LRRC4C: variants seen among roughly 807,000 people sequenced by gnomAD.
LRRC4C encodes the protein leucine-rich repeat-containing protein 4C.
Under a neutral mutation model 33.6 loss-of-function variants are expected in LRRC4C, and 5 were observed. The ratio of observed to expected loss-of-function variants is 0.15; its 90% CI spans 0.08 to 0.31. LRRC4C has a LOEUF of 0.31. LRRC4C is among the 10% of genes least tolerant of loss of function. LRRC4C has a pLI of 1.00. For synonymous variants in LRRC4C, 329 were observed against 302.0 expected (o/e 1.09, Z -0.93); for missense variants, 560 against 796.7 (o/e 0.70, Z 3.58).
intron 1 of LRRC4C, 58 bp from the exon 2 acceptor site, chr11:40,933,781 C>T (rs1407454298): frequency 6.6e-6 from 1 of 152,088 alleles, no homozygotes; most frequent in Non-Finnish European, 1.5e-5. Context: ...AGAAAATAGC[C>T]CAAGCAAAGT....
chr11:41,072,442 C>G (rs1363032084), intron 1 of LRRC4C, among the ~76,000 whole-genome samples: 1 of 151,894 alleles, frequency 6.6e-6, no homozygotes, highest in African/African-American at 2.4e-5. Flanking sequence ...GGGTGGACTT[C>G]CCCCTTGCTG....
intron 2 of LRRC4C, among the ~76,000 whole-genome samples, chr11:40,807,674 G>C (rs1005895020): frequency 6.6e-6 from 1 of 152,182 alleles, no homozygotes; most frequent in South Asian, 2.1e-4. Context: ...TTTTCTGCAC[G>C]GATTTTAGTA....
chr11:41,287,782 C>T, intron 1 of LRRC4C, among the ~76,000 whole-genome samples: 1 of 152,162 alleles, frequency 6.6e-6, no homozygotes, highest in Non-Finnish European at 1.5e-5. Context: ...GAGGCTTTCC[C>T]TGATTTAATA....
At chr11:41,258,815 G>T (rs1469006609) in intron 1 of LRRC4C, among the ~76,000 whole-genome samples, 1 of 151,942 alleles carries the variant, frequency 6.6e-6, no homozygotes, top group Admixed American at 6.6e-5. Flanking sequence ...TTGAAATTAG[G>T]ATGCCCTGAT....
At chr11:41,331,993 A>G (rs1423552923) in intron 1 of LRRC4C, among the ~76,000 whole-genome samples, 1 of 152,224 alleles carries the variant, frequency 6.6e-6, no homozygotes, top group Non-Finnish European at 1.5e-5. Flanking sequence ...TTCAAAGTAC[A>G]TATTACTTCT....
intron 3 of LRRC4C, among the ~76,000 whole-genome samples, chr11:40,370,648 GC>G (rs1948410757): frequency 6.6e-6 from 1 of 152,106 alleles, no homozygotes; most frequent in African/African-American, 2.4e-5. Flanking sequence ...GATTGAGAGG[GC>G]TTCTTTCAGC....
chr11:40,799,630 C>T (rs902361867), intron 2 of LRRC4C, among the ~76,000 whole-genome samples: 9 of 152,278 alleles, frequency 5.9e-5, no homozygotes, highest in African/African-American at 1.9e-4. Context: ...ACACCATGCC[C>T]GGCTAATTCT....
intron 2 of LRRC4C, among the ~76,000 whole-genome samples, chr11:40,689,506 T>C (rs1178536402): frequency 6.6e-6 from 1 of 152,096 alleles, no homozygotes; most frequent in Non-Finnish European, 1.5e-5. Flanking sequence ...TGAACAAGTA[T>C]TAATATTTAT....
chr11:40,627,037 T>C (rs919781298), intron 3 of LRRC4C, among the ~76,000 whole-genome samples: 1 of 151,518 alleles, frequency 6.6e-6, no homozygotes, highest in African/African-American at 2.4e-5. Context: ...CTCCATATAA[T>C]TCAGGATTTC....
intron 1 of LRRC4C, among the ~76,000 whole-genome samples, chr11:41,183,461 A>G (rs943569074): frequency 2.6e-5 from 4 of 152,164 alleles, no homozygotes; most frequent in African/African-American, 9.6e-5. Flanking sequence ...GAAGTCTGAA[A>G]TCCAGCGGGT....
intron 5 of LRRC4C, among the ~76,000 whole-genome samples, chr11:40,217,762 C>G (rs142995649): frequency 2.6e-5 from 4 of 152,192 alleles, no homozygotes; most frequent in Non-Finnish European, 5.9e-5. Context: ...AGTGCCTTTT[C>G]TCATCTTTTT....
At chr11:41,074,502 C>A (rs556027720) in intron 1 of LRRC4C, among the ~76,000 whole-genome samples, 1 of 152,146 alleles carries the variant, frequency 6.6e-6, no homozygotes, top group African/African-American at 2.4e-5. Flanking sequence ...ACTTTTGATT[C>A]TTTTCTTAAA....
At chr11:40,234,756 G>C (rs1200506802) in intron 5 of LRRC4C, among the ~76,000 whole-genome samples, 2 of 152,208 alleles carry the variant, frequency 1.3e-5, no homozygotes, top group Non-Finnish European at 1.5e-5. Flanking sequence ...GGCCAACAGA[G>C]AGAAACCCTG....
intron 2 of LRRC4C, among the ~76,000 whole-genome samples, chr11:40,856,313 T>A (rs886727377): frequency 1.3e-5 from 2 of 152,248 alleles, no homozygotes; most frequent in Non-Finnish European, 2.9e-5. Flanking sequence ...TTCTGTTAAC[T>A]AGATACAGAT....
intron 2 of LRRC4C, among the ~76,000 whole-genome samples, chr11:40,767,771 A>T (rs1280892453): frequency 6.6e-6 from 1 of 152,080 alleles, no homozygotes; most frequent in African/African-American, 2.4e-5. Flanking sequence ...TTATTGAAAC[A>T]ATAAAAATGA....
At chr11:41,376,646 G>A (rs768535438) in intron 1 of LRRC4C, among the ~76,000 whole-genome samples, 7 of 152,060 alleles carry the variant, frequency 4.6e-5, no homozygotes, top group South Asian at 2.1e-4. Context: ...TATTGTTAGC[G>A]ATGTAAAAAT....
At chr11:40,448,097 G>A (rs559300985) in intron 3 of LRRC4C, among the ~76,000 whole-genome samples, 54 of 151,920 alleles carry the variant, frequency 3.6e-4, no homozygotes, top group Non-Finnish European at 6.9e-4. Flanking sequence ...ATGAACCACC[G>A]CACCCAGCCA....
At chr11:40,881,913 A>G (rs1215879903) in intron 2 of LRRC4C, among the ~76,000 whole-genome samples, 2 of 152,086 alleles carry the variant, frequency 1.3e-5, no homozygotes, top group African/African-American at 4.8e-5. Context: ...TATTAAACAG[A>G]AATTAGGATT....
chr11:40,969,462 C>CA (rs35793654), intron 1 of LRRC4C, among the ~76,000 whole-genome samples: 84,733 of 143,152 alleles, frequency 0.59, 24,970 homozygotes, highest in African/African-American at 0.66. Context: ...TCTTACACTA[C>CA]AAAAAAAAAA....
Sources: gnomAD v4.1 joint callset for allele counts (sites outside exome capture counted in the v4.1 genomes callset) on GRCh38, gnomAD v4.1.1 for gene constraint, MANE v1.5 for transcripts, NCBI Gene and HGNC (gene_info 2026-07-23, HGNC 2026-07-21) for gene names.